ABCA13: variants seen among roughly 807,000 people sequenced by gnomAD.
ABCA13 encodes the protein ATP binding cassette subfamily A member 13, also known as ATP-binding cassette sub-family A member 13.
ABCA13 carries 476 observed loss-of-function variants against 478.7 expected under a neutral mutation model. That is an observed-to-expected ratio of 0.99 (90% CI 0.92 to 1.07). The LOEUF (loss-of-function observed/expected upper bound fraction) is 1.07, where lower values mean the gene tolerates loss of function less well. ABCA13 is among the 50% of genes least tolerant of loss of function. The pLI is 0.00. For synonymous variants in ABCA13, 2,252 were observed against 2,158.9 expected (o/e 1.04, Z -1.20); for missense variants, 6,060 against 5,910.6 (o/e 1.03, Z -0.83).
intron 2 of ABCA13, among the ~76,000 whole-genome samples, chr7:48,193,955 C>G (rs141055781): frequency 1 from 145,184 of 145,198 alleles, 72,585 homozygotes; most frequent in Middle Eastern, 1. Context: ...ATGATGTGAT[C>G]ATTATGATTG....
At chr7:48,228,692 C>T (rs1788610925) in intron 6 of ABCA13, among the ~76,000 whole-genome samples, 1 of 152,192 alleles carries the variant, frequency 6.6e-6, no homozygotes. Flanking sequence ...TTGAATGTAG[C>T]TTTCCAAGTT....
intron 9 of ABCA13, among the ~76,000 whole-genome samples, 186 bp from the exon 10 acceptor site, chr7:48,240,681 C>T (rs78494614): frequency 2.6e-3 from 390 of 152,228 alleles, no homozygotes; most frequent in African/African-American, 7.4e-3. Flanking sequence ...ATTGTTGCAA[C>T]ATGAAATCTT....
rs58737850 is a variant in ABCA13 at position 48,409,926 on chromosome 7, CAA to C, written c.12071-577_12071-576del. Among the ~76,000 whole-genome samples, 746 of 124,088 alleles carry C rather than the reference CAA, an allele frequency of 6.0e-3. 5 individuals are homozygous for C. Among genetic ancestry groups the C allele is most frequent in the African/African-American group, 0.021 (687 of 33,422 alleles). 81.4% of individuals were successfully genotyped at this position (124,088 alleles called of 152,430 possible). ...GAAATCCCATGTCTACTAAAAATACCAAAAAAAAAAAAAAAAAATTAGCCAGA... is the reference window on the plus strand; with the variant it reads ...GAAATCCCATGTCTACTAAAAATACCAAAAAAAAAAAAAAAATTAGCCAGA... On this transcript the variant is annotated intron_variant, in intron 39 of 61. Transcript: ENST00000435803.
intron 5 of ABCA13, among the ~76,000 whole-genome samples, chr7:48,225,157 C>CTTCCTTCCTTCT: frequency 6.8e-6 from 1 of 146,396 alleles, no homozygotes; most frequent in South Asian, 2.3e-4. Flanking sequence ...TCCTTCCTTC[C>CTTCCTTCCTTCT]TTCCTTCCTT....
intron 43 of ABCA13, among the ~76,000 whole-genome samples, chr7:48,461,064 C>T (rs10280481): frequency 0.19 from 28,678 of 152,050 alleles, 3,132 homozygotes; most frequent in African/African-American, 0.3. Flanking sequence ...AGTGAGAGGA[C>T]GAATGGAAAG....
chr7:48,377,334 A>G (rs1474800103), intron 35 of ABCA13, among the ~76,000 whole-genome samples: 1 of 152,162 alleles, frequency 6.6e-6, no homozygotes, highest in East Asian at 1.9e-4. Context: ...TTTATTTTTT[A>G]GAGATAACAC....
chr7:48,519,894 A>T (rs1832415050), intron 52 of ABCA13, 147 bp from the exon 53 acceptor site: 6 of 809,208 alleles, frequency 7.4e-6, no homozygotes, highest in Non-Finnish European at 1.1e-5. Context: ...CTTTGTTTTG[A>T]TGGCTGTCTG....
chr7:48,272,660 C>T lies in ABCA13; in HGVS notation c.2994C>T (p.Ile998=). 1 of 1,612,936 alleles carries T rather than the reference C, an allele frequency of 6.2e-7. No homozygotes were observed. Among genetic ancestry groups the T allele is most frequent in the African/African-American group, 1.3e-5 (1 of 75,022 alleles). The change falls in exon 17 of 62, where the codon ATC becomes ATT. Residue 998 remains isoleucine, a synonymous_variant. Coordinates refer to ENST00000435803, the MANE Select transcript of ABCA13 (RefSeq NM_152701.5). ...AAATCTCAAAACACATTTTGGATAT[C>T]ATAAAACAATTTAATTTCCAAAACA... ...LTQISKHILD[I]IKQFNFQNIS...
At chr7:48,504,569 A>G (rs1831042139) in intron 48 of ABCA13, among the ~76,000 whole-genome samples, 1 of 152,194 alleles carries the variant, frequency 6.6e-6, no homozygotes. Flanking sequence ...AGGTTAAACA[A>G]TTTCAGTATT....
chr7:48,568,491 C>T (rs920538527), intron 55 of ABCA13, among the ~76,000 whole-genome samples: 1 of 151,952 alleles, frequency 6.6e-6, no homozygotes, highest in Non-Finnish European at 1.5e-5. Context: ...GTGCCTACTT[C>T]TCTTTATATG....
chr7:48,503,137 A>G (rs1299671955), intron 48 of ABCA13, among the ~76,000 whole-genome samples: 1 of 152,160 alleles, frequency 6.6e-6, no homozygotes, highest in Non-Finnish European at 1.5e-5. Context: ...CCCAGGCTGG[A>G]ATGCAGTGGC....
intron 1 of ABCA13, among the ~76,000 whole-genome samples, chr7:48,192,170 T>C (rs1391899763): frequency 6.6e-6 from 1 of 151,792 alleles, no homozygotes; most frequent in Non-Finnish European, 1.5e-5. Flanking sequence ...TTTTTTGGGC[T>C]ATACCTTATA....
intron 17 of ABCA13, 41 bp downstream of exon 17, chr7:48,276,606 T>C: frequency 6.6e-7 from 1 of 1,525,438 alleles, no homozygotes. Context: ...GCAGTTGCGA[T>C]ATATCTCAAA....
chr7:48,427,904 G>A (rs1821653271), intron 42 of ABCA13, 33 bp downstream of exon 42: 7 of 1,423,208 alleles, frequency 4.9e-6, no homozygotes, highest in Middle Eastern at 1.8e-4. Flanking sequence ...CATTTCTGCT[G>A]GAGGAACAAT....
intron 1 of ABCA13, among the ~76,000 whole-genome samples, chr7:48,191,771 G>A (rs1048321295): frequency 1.3e-5 from 2 of 152,138 alleles, no homozygotes; most frequent in African/African-American, 4.8e-5. Flanking sequence ...TTACACCTGT[G>A]TTTTGTCTTC....
intron 11 of ABCA13, 66 bp downstream of exon 11, chr7:48,244,769 T>C: frequency 2.6e-6 from 4 of 1,516,868 alleles, no homozygotes; most frequent in Non-Finnish European, 3.5e-6. Context: ...TATTGGAAAA[T>C]GGACTTGAAA....
At chr7:48,528,653 G>A (rs1379965951) in intron 55 of ABCA13, among the ~76,000 whole-genome samples, 1 of 152,130 alleles carries the variant, frequency 6.6e-6, no homozygotes, top group Non-Finnish European at 1.5e-5. Context: ...ACTCAGGGGA[G>A]CAGGAAATGG....
chr7:48,190,851 A>T (rs1797013450), intron 1 of ABCA13, among the ~76,000 whole-genome samples: 1 of 152,168 alleles, frequency 6.6e-6, no homozygotes, highest in Non-Finnish European at 1.5e-5. Flanking sequence ...ATCTTTCTGT[A>T]CTTTTAAAAT....
intron 43 of ABCA13, among the ~76,000 whole-genome samples, chr7:48,462,801 A>G (rs4623358): frequency 0.19 from 28,571 of 152,042 alleles, 3,107 homozygotes; most frequent in African/African-American, 0.29. Context: ...GAGCCACCGC[A>G]TCCTGCCAGT....
Sources: gnomAD v4.1 joint callset for allele counts (sites outside exome capture counted in the v4.1 genomes callset) on GRCh38, gnomAD v4.1.1 for gene constraint, MANE v1.5 for transcripts, NCBI Gene and HGNC (gene_info 2026-07-23, HGNC 2026-07-21) for gene names.